Variants in FCHO2 observed in about 807,000 individuals in gnomAD.
FCHO2 encodes F-BAR domain only protein 2.
In FCHO2, 43 loss-of-function variants were observed where a neutral mutation model predicts 114.1. That is an observed-to-expected ratio of 0.38 (90% CI 0.30 to 0.49). The LOEUF is 0.49. Ranked by LOEUF, FCHO2 falls within the 20% of genes least tolerant of loss-of-function variation. The pLI, the probability that FCHO2 is intolerant of heterozygous loss-of-function variation, is 0.97. For missense variants in FCHO2, 807 were observed against 950.4 expected, an observed-to-expected ratio of 0.85 and a Z score of 1.98; for synonymous variants, 293 against 315.2, an observed-to-expected ratio of 0.93 and a Z score of 0.75.
At chr5:73,036,006 C>G (rs191522281) in intron 9 of FCHO2, among the ~76,000 whole-genome samples, 1 of 152,086 alleles carries the variant, frequency 6.6e-6, no homozygotes, top group East Asian at 1.9e-4. Flanking sequence ...CTACGCCCGG[C>G]TAATTTTTTG....
chr5:72,974,761 G>T (rs531229001), intron 2 of FCHO2, among the ~76,000 whole-genome samples: 2,027 of 152,118 alleles, frequency 0.013, 55 homozygotes, highest in African/African-American at 0.046. Flanking sequence ...GTTAGCTGGT[G>T]ATTTTGCTCG....
chr5:73,027,081 G>C (rs1012196112), intron 8 of FCHO2, among the ~76,000 whole-genome samples: 3 of 148,434 alleles, frequency 2.0e-5, no homozygotes, highest in Admixed American at 6.8e-5. Flanking sequence ...GTCACTGTAA[G>C]AGGATGCTTT....
chr5:73,074,637 AGTGGTAGG>A lies in FCHO2; in HGVS notation c.1580-102_1580-95del, dbSNP rs1292154493. 4.2e-6 allele frequency: 4 copies of A among 963,716 alleles called. No individual in the cohort carries two copies. The Admixed American group carries it at 7.2e-5, about 17-fold the overall frequency. The allele number at this position is 963,716 out of a possible 1,614,324, so 59.7% of individuals were successfully genotyped here. On this transcript the variant is annotated intron_variant, in intron 19 of 25. Transcript: ENST00000430046. Reference sequence around the variant, plus strand: ...TTTATCATGGGACATCACTGAAACCAGTGGTAGGGTCGTTTGTGACAGCCTAACAATGT... The same window carrying A: ...TTTATCATGGGACATCACTGAAACCAGTCGTTTGTGACAGCCTAACAATGT...
At chr5:72,963,582 G>A (rs559773300) in intron 1 of FCHO2, among the ~76,000 whole-genome samples, 12 of 151,582 alleles carry the variant, frequency 7.9e-5, no homozygotes, top group South Asian at 6.3e-4. Flanking sequence ...TTCCTCTGTC[G>A]CCCAGGCTGG....
At chr5:72,956,277 G>A in intron 1 of FCHO2, 148 bp downstream of exon 1, 1 of 1,106,624 alleles carries the variant, frequency 9.0e-7, no homozygotes, top group Non-Finnish European at 1.2e-6. Flanking sequence ...GAGGTCCGGC[G>A]GGCGACCGGT....
intron 15 of FCHO2, 115 bp from the exon 16 acceptor site, chr5:73,055,950 A>G: frequency 1.5e-6 from 1 of 665,548 alleles, no homozygotes; most frequent in Non-Finnish European, 2.5e-6. Flanking sequence ...TACATTATCA[A>G]TTCCAAAATT....
At chr5:73,034,196 A>T (rs1056413126) in intron 8 of FCHO2, among the ~76,000 whole-genome samples, 8 of 152,210 alleles carry the variant, frequency 5.3e-5, no homozygotes, top group Non-Finnish European at 1.2e-4. Context: ...TAAGTATTGA[A>T]GATACAGTGA....
At chr5:73,024,319 C>T (rs1025582772) in intron 8 of FCHO2, among the ~76,000 whole-genome samples, 1 of 152,158 alleles carries the variant, frequency 6.6e-6, no homozygotes, top group Non-Finnish European at 1.5e-5. Flanking sequence ...GTCTCAGCCT[C>T]CTGAAGTGCT....
intron 2 of FCHO2, among the ~76,000 whole-genome samples, chr5:72,979,279 C>T (rs1235721044): frequency 1.4e-5 from 2 of 147,844 alleles, no homozygotes; most frequent in African/African-American, 4.9e-5. Flanking sequence ...ATTACTGCCT[C>T]AATTTCAGAG....
At chr5:73,042,077 T>C (rs1446878529) in intron 11 of FCHO2, among the ~76,000 whole-genome samples, 1 of 152,112 alleles carries the variant, frequency 6.6e-6, no homozygotes, top group Non-Finnish European at 1.5e-5. Flanking sequence ...ACTAAAAATA[T>C]TTTGTGAAAC....
chr5:72,994,484 A>T (rs764808414), intron 5 of FCHO2, among the ~76,000 whole-genome samples: 2 of 152,164 alleles, frequency 1.3e-5, no homozygotes, highest in South Asian at 4.1e-4. Context: ...CAAATAACAG[A>T]TGCTGGCAAG....
intron 20 of FCHO2, among the ~76,000 whole-genome samples, chr5:73,075,161 CAAAG>C: frequency 6.6e-6 from 1 of 152,074 alleles, no homozygotes; most frequent in Non-Finnish European, 1.5e-5. Flanking sequence ...AACTAAATAT[CAAAG>C]AAACAGCTGT....
intron 5 of FCHO2, 130 bp from the exon 6 acceptor site, chr5:73,006,315 G>A (rs953045247): frequency 6.0e-5 from 29 of 485,590 alleles, no homozygotes; most frequent in Middle Eastern, 1.2e-3. Context: ...CTCACAACAA[G>A]TATCAAAGTT....
At position 73,089,576 on chromosome 5, in the gene FCHO2, T is replaced by G. The variant is rs1477090858; in HGVS notation, c.*1486T>G. Reference sequence around the variant, plus strand: ...CTTGATTAATTGAAGAAATAAAATATTTCGGATAAGGTTTCATAATTTACA... The same window carrying G: ...CTTGATTAATTGAAGAAATAAAATAGTTCGGATAAGGTTTCATAATTTACA... On this transcript the variant is annotated 3_prime_UTR_variant, in exon 26 of 26. Coordinates refer to ENST00000430046, the MANE Select transcript of FCHO2 (RefSeq NM_138782.3). 6.6e-6 allele frequency: 1 copy of G among 152,466 alleles called. No homozygotes were observed. The highest frequency in any genetic ancestry group is 1.5e-5 in the Non-Finnish European group (1 of 67,918). The allele number at this position is 152,466 out of a possible 1,614,324, so 9.4% of individuals were successfully genotyped here. A position where few individuals can be genotyped will look rare whatever the true frequency, so the allele number is the denominator to read the frequency against.
intron 2 of FCHO2, among the ~76,000 whole-genome samples, chr5:72,974,823 AT>A (rs1250194046): frequency 6.6e-6 from 1 of 151,942 alleles, no homozygotes; most frequent in Non-Finnish European, 1.5e-5. Flanking sequence ...TTTTGGCATG[AT>A]TTTGCAGCGG....
chr5:73,002,014 A>T, intron 5 of FCHO2, among the ~76,000 whole-genome samples: 1 of 152,098 alleles, frequency 6.6e-6, no homozygotes, highest in Non-Finnish European at 1.5e-5. Flanking sequence ...TAATTTCCTG[A>T]TATCAGAGGG....
At chr5:73,025,311 C>T (rs1412490768) in intron 8 of FCHO2, among the ~76,000 whole-genome samples, 10 of 151,434 alleles carry the variant, frequency 6.6e-5, no homozygotes, top group East Asian at 1.9e-4. Context: ...CGAGTTCAAG[C>T]GATTCTACTG....
At chr5:73,075,108 A>T (rs542801925) in intron 20 of FCHO2, among the ~76,000 whole-genome samples, 1 of 152,314 alleles carries the variant, frequency 6.6e-6, no homozygotes, top group African/African-American at 2.4e-5. Flanking sequence ...ATACTTTAGT[A>T]AACAAAAGAG....
chr5:73,050,612 G>C (rs1236071218), intron 11 of FCHO2, among the ~76,000 whole-genome samples: 2 of 152,026 alleles, frequency 1.3e-5, no homozygotes. Context: ...CCACTGCACC[G>C]GGCCCGCTTT....
Sources: allele counts gnomAD v4.1 joint callset (sites outside exome capture counted in the v4.1 genomes callset), GRCh38; gene constraint gnomAD v4.1.1; transcripts MANE v1.5; gene names NCBI Gene and HGNC (gene_info 2026-07-23, HGNC 2026-07-21).